PDE4D: variants seen among roughly 807,000 people sequenced by gnomAD.
PDE4D encodes the protein phosphodiesterase 4D.
PDE4D carries 24 observed loss-of-function variants against 87.4 expected under a neutral mutation model. That is an observed-to-expected ratio of 0.27 (90% CI 0.20 to 0.39). PDE4D has a LOEUF of 0.39. Ranked by LOEUF, PDE4D falls within the 10% of genes least tolerant of loss-of-function variation. The probability of loss-of-function intolerance (pLI) is 1.00; values close to 1 mark genes in which losing one functional copy is unlikely to be tolerated. For missense variants in PDE4D, 714 were observed against 1,041.0 expected, an observed-to-expected ratio of 0.69 and a Z score of 4.32; for synonymous variants, 384 against 383.2, an observed-to-expected ratio of 1.00 and a Z score of -0.02.
chr5:59,114,899 GAA>G (rs1561509574), intron 5 of PDE4D, among the ~76,000 whole-genome samples: 1 of 146,270 alleles, frequency 6.8e-6, no homozygotes, highest in East Asian at 1.9e-4. Context: ...AAAAGAAAAA[GAA>G]AATGATAAGT....
chr5:59,006,543 C>A (rs943888511), intron 6 of PDE4D, among the ~76,000 whole-genome samples: 5 of 152,028 alleles, frequency 3.3e-5, no homozygotes, highest in Non-Finnish European at 7.4e-5. Context: ...GATTGCACCA[C>A]TGTACTCCAG....
At chr5:59,323,422 C>A (rs139024066) in intron 1 of PDE4D, among the ~76,000 whole-genome samples, 19 of 152,214 alleles carry the variant, frequency 1.2e-4, no homozygotes, top group African/African-American at 1.9e-4. Context: ...GAATACTTCT[C>A]TTGAATTTCA....
intron 2 of PDE4D, among the ~76,000 whole-genome samples, chr5:60,086,140 A>T (rs571767349): frequency 3.5e-4 from 54 of 152,342 alleles, no homozygotes; most frequent in African/African-American, 1.2e-3. Flanking sequence ...AACTAGAAAA[A>T]ATACATATTT....
At chr5:59,778,362 C>A (rs1472305431) in intron 1 of PDE4D, among the ~76,000 whole-genome samples, 1 of 152,202 alleles carries the variant, frequency 6.6e-6, no homozygotes, top group Admixed American at 6.5e-5. Flanking sequence ...CTTTCTGGGG[C>A]TTCCCAAGAA....
chr5:59,765,564 T>C (rs1374955246), intron 1 of PDE4D, among the ~76,000 whole-genome samples: 1 of 152,092 alleles, frequency 6.6e-6, no homozygotes, highest in Admixed American at 6.6e-5. Context: ...AGAAAACGAG[T>C]ATAAGTGACA....
intron 2 of PDE4D, among the ~76,000 whole-genome samples, chr5:59,202,337 G>A (rs548062943): frequency 2.0e-5 from 3 of 151,892 alleles, no homozygotes; most frequent in South Asian, 2.1e-4. Flanking sequence ...ACAGCGCCTC[G>A]CCCGTTTTGA....
chr5:59,833,288 T>C (rs73758900), intron 1 of PDE4D, among the ~76,000 whole-genome samples: 1,548 of 151,836 alleles, frequency 0.01, 33 homozygotes, highest in African/African-American at 0.035. Context: ...AGGCAGTGAG[T>C]GACAGCACAA....
chr5:59,098,315 G>A (rs1770119191), intron 5 of PDE4D, among the ~76,000 whole-genome samples: 1 of 152,084 alleles, frequency 6.6e-6, no homozygotes, highest in Admixed American at 6.5e-5. Flanking sequence ...ATTACATAAA[G>A]ATAATCTGAT....
chr5:60,474,374 C>A (rs1353567058), intron 1 of PDE4D, among the ~76,000 whole-genome samples: 1 of 151,442 alleles, frequency 6.6e-6, no homozygotes, highest in African/African-American at 2.4e-5. Flanking sequence ...AGAGAGCCCT[C>A]ACAACCTAAT....
chr5:59,066,987 GATTTATTTATTTATTTATTT>G (rs75735314), intron 5 of PDE4D, among the ~76,000 whole-genome samples: 8 of 141,212 alleles, frequency 5.7e-5, no homozygotes, highest in African/African-American at 7.9e-5. Context: ...CCCAGCTCGT[GATTTATTTATTTATTTATTT>G]ATTTATTTAT....
rs1031554283 is a variant in PDE4D at position 59,034,396 on chromosome 5, G to C, written c.921+4463C>G. On this transcript the variant is annotated intron_variant, in intron 6 of 14. Coordinates refer to ENST00000340635, the MANE Select transcript of PDE4D (RefSeq NM_001104631.2). ...TAACATGCCTTTTCCAATTAACTTAGTTTCCTTCTTAGCAAAAGTTTAACA... is the reference window on the plus strand; with the variant it reads ...TAACATGCCTTTTCCAATTAACTTACTTTCCTTCTTAGCAAAAGTTTAACA... Among the ~76,000 whole-genome samples, 134 of 152,174 alleles carry C rather than the reference G, an allele frequency of 8.8e-4. 1 individual carries two copies. Among genetic ancestry groups the C allele is most frequent in the Non-Finnish European group, 1.0e-3 (68 of 67,992 alleles).
intron 1 of PDE4D, among the ~76,000 whole-genome samples, chr5:59,576,140 T>G (rs949647333): frequency 2.0e-5 from 3 of 152,100 alleles, no homozygotes; most frequent in African/African-American, 7.2e-5. Context: ...ACTTACTGAG[T>G]GACAGGTGTT....
At chr5:59,369,396 T>A (rs922287112) in intron 1 of PDE4D, among the ~76,000 whole-genome samples, 2 of 152,126 alleles carry the variant, frequency 1.3e-5, no homozygotes, top group Non-Finnish European at 2.9e-5. Context: ...TATTTAATAG[T>A]CTTAGGTTTA....
At chr5:59,067,584 T>C (rs1360041186) in intron 5 of PDE4D, among the ~76,000 whole-genome samples, 3 of 152,162 alleles carry the variant, frequency 2.0e-5, no homozygotes, top group Admixed American at 6.6e-5. Flanking sequence ...CATGGATGAA[T>C]AAACCAAACA....
chr5:60,181,765 T>C (rs1026292752), intron 2 of PDE4D, among the ~76,000 whole-genome samples: 1 of 152,190 alleles, frequency 6.6e-6, no homozygotes, highest in African/African-American at 2.4e-5. Context: ...AGAAAATTTA[T>C]TAATGAATAA....
At chr5:60,107,839 G>A (rs1438509190) in intron 2 of PDE4D, among the ~76,000 whole-genome samples, 2 of 152,078 alleles carry the variant, frequency 1.3e-5, no homozygotes, top group African/African-American at 4.8e-5. Context: ...CAATAAATTA[G>A]GTATTGATGG....
At chr5:60,307,082 C>A (rs758636325) in intron 1 of PDE4D, among the ~76,000 whole-genome samples, 10 of 151,920 alleles carry the variant, frequency 6.6e-5, no homozygotes, top group Admixed American at 3.3e-4. Flanking sequence ...AAAGATACAC[C>A]TATCTCACTT....
At chr5:60,194,268 A>G (rs1740952009) in intron 1 of PDE4D, among the ~76,000 whole-genome samples, 1 of 151,604 alleles carries the variant, frequency 6.6e-6, no homozygotes. Flanking sequence ...CCTCCATATC[A>G]CAAAATCTAA....
At chr5:59,272,037 GA>G (rs1411645705) in intron 1 of PDE4D, among the ~76,000 whole-genome samples, 1 of 151,258 alleles carries the variant, frequency 6.6e-6, no homozygotes, top group African/African-American at 2.4e-5. Context: ...TACTTATAAT[GA>G]AAAGTATAAG....
Sources: allele counts gnomAD v4.1 joint callset (sites outside exome capture counted in the v4.1 genomes callset), GRCh38; gene constraint gnomAD v4.1.1; transcripts MANE v1.5; gene names NCBI Gene and HGNC (gene_info 2026-07-23, HGNC 2026-07-21).